KHDRBS2: variants seen among roughly 807,000 people sequenced by gnomAD.
KHDRBS2 encodes KH RNA binding domain containing, signal transduction associated 2, also known as KH domain-containing, RNA-binding, signal transduction-associated protein 2.
Under a neutral mutation model 44.3 loss-of-function variants are expected in KHDRBS2, and 26 were observed. The ratio of observed to expected loss-of-function variants is 0.59; its 90% confidence interval spans 0.43 to 0.81. The LOEUF is 0.81. Ranked by LOEUF, KHDRBS2 falls within the 40% of genes least tolerant of loss-of-function variation. The pLI is 0.00. For missense variants in KHDRBS2, 476 were observed against 433.1 expected (o/e 1.10, Z -0.88); for synonymous variants, 194 against 151.1 (o/e 1.28, Z -2.08).
intron 2 of KHDRBS2, among the ~76,000 whole-genome samples, chr6:62,089,138 G>A (rs532296776): frequency 6.6e-6 from 1 of 152,014 alleles, no homozygotes; most frequent in African/African-American, 2.4e-5. Flanking sequence ...TCATACCAGT[G>A]TATCTCAGCT....
intron 1 of KHDRBS2, among the ~76,000 whole-genome samples, chr6:62,223,334 G>A (rs1397584355): frequency 4.6e-5 from 7 of 152,186 alleles, no homozygotes; most frequent in Admixed American, 1.3e-4. Context: ...CAGCTAGGAA[G>A]CAGGGCACTA....
the KHDRBS2 span, among the ~76,000 whole-genome samples, chr6:61,650,400 T>A: frequency 1.1e-3 from 112 of 104,396 alleles, 1 homozygote; most frequent in Middle Eastern, 4.6e-3. Flanking sequence ...CTGCTTTTTT[T>A]AAAAAAATGT....
chr6:62,047,822 T>C (rs1788043936), intron 3 of KHDRBS2, 56 bp downstream of exon 3: 5 of 1,116,634 alleles, frequency 4.5e-6, no homozygotes, highest in Non-Finnish European at 6.9e-6. Context: ...AATTTGGCCT[T>C]CAGTGTTATA....
chr6:61,826,840 T>G (rs1349048663), intron 6 of KHDRBS2, among the ~76,000 whole-genome samples: 1 of 152,116 alleles, frequency 6.6e-6, no homozygotes, highest in Non-Finnish European at 1.5e-5. Flanking sequence ...AGCAGAGGAC[T>G]TTCATAATTT....
chr6:61,814,737 G>T (rs1228285227), intron 6 of KHDRBS2, among the ~76,000 whole-genome samples: 1 of 152,120 alleles, frequency 6.6e-6, no homozygotes, highest in Non-Finnish European at 1.5e-5. Flanking sequence ...ATAACACAGT[G>T]AAAATACAGT....
intron 1 of KHDRBS2, among the ~76,000 whole-genome samples, chr6:62,229,605 T>C (rs1421834516): frequency 6.6e-6 from 1 of 152,178 alleles, no homozygotes. Flanking sequence ...TGCAGCTCCA[T>C]GGTTGGGAGC....
intron 5 of KHDRBS2, among the ~76,000 whole-genome samples, chr6:61,899,421 T>G (rs1266767824): frequency 2.6e-5 from 4 of 151,960 alleles, no homozygotes; most frequent in Non-Finnish European, 4.4e-5. Context: ...TAATTTTTAA[T>G]GCTAATTTTC....
At chr6:61,954,968 G>T (rs374101955) in intron 4 of KHDRBS2, among the ~76,000 whole-genome samples, 5 of 52,832 alleles carry the variant, frequency 9.5e-5, no homozygotes, top group South Asian at 7.0e-4. Flanking sequence ...GTATATATAC[G>T]CATACATATG....
At chr6:62,119,055 G>C (rs779019429) in intron 2 of KHDRBS2, among the ~76,000 whole-genome samples, 1 of 152,174 alleles carries the variant, frequency 6.6e-6, no homozygotes, top group Non-Finnish European at 1.5e-5. Flanking sequence ...GGTACCAGAA[G>C]TGGTTCTAGA....
intron 4 of KHDRBS2, among the ~76,000 whole-genome samples, chr6:61,922,436 A>G (rs1227000873): frequency 6.6e-6 from 1 of 152,104 alleles, no homozygotes; most frequent in East Asian, 1.9e-4. Context: ...ACTTCCAGAA[A>G]GAACAACAAA....
intron 4 of KHDRBS2, among the ~76,000 whole-genome samples, chr6:61,944,206 A>G (rs563272580): frequency 6.6e-6 from 1 of 152,318 alleles, no homozygotes; most frequent in African/African-American, 2.4e-5. Flanking sequence ...GAATATCTGA[A>G]CTTGGACGTT....
At chr6:62,283,313 C>CAACTAGT (rs1842050434) in intron 1 of KHDRBS2, among the ~76,000 whole-genome samples, 1 of 152,036 alleles carries the variant, frequency 6.6e-6, no homozygotes, top group Non-Finnish European at 1.5e-5. Context: ...AATAAACATC[C>CAACTAGT]AACTAGTACT....
the KHDRBS2 span, among the ~76,000 whole-genome samples, chr6:61,551,729 CT>C: frequency 6.6e-6 from 1 of 151,998 alleles, no homozygotes; most frequent in Non-Finnish European, 1.5e-5. Flanking sequence ...TATGTGTTTG[CT>C]TTTGTGGCAT....
intron 3 of KHDRBS2, among the ~76,000 whole-genome samples, chr6:61,993,349 C>T (rs1360750325): frequency 6.6e-5 from 10 of 151,934 alleles, no homozygotes; most frequent in Admixed American, 5.3e-4. Context: ...CTCGCTCTTT[C>T]TTTACTCCAG....
intron 4 of KHDRBS2, among the ~76,000 whole-genome samples, chr6:61,916,257 C>T (rs1447305498): frequency 2.6e-5 from 4 of 151,942 alleles, no homozygotes; most frequent in Admixed American, 2.0e-4. Flanking sequence ...TTTATACAGG[C>T]AAAGCTGTAC....
Position 61,753,614 on chromosome 6 carries a change from T to C in KHDRBS2, c.811-20850A>G, listed in dbSNP as rs867934302. 2.6e-5 allele frequency among the ~76,000 whole-genome samples: 4 copies of C among 152,190 alleles called. No individual in the cohort carries two copies. The Middle Eastern group carries it at 0.01, about 388-fold the overall frequency. On this transcript the variant is annotated intron_variant, in intron 6 of 8. Transcript: ENST00000281156. Reference sequence around the variant, plus strand: ...ATTTTTATTTTCCTCCTTGGGGCTATATGGAAAAGGAAGAAAGCATGAGGA... The same window carrying C: ...ATTTTTATTTTCCTCCTTGGGGCTACATGGAAAAGGAAGAAAGCATGAGGA...
At chr6:62,061,901 C>G (rs1392827373) in intron 2 of KHDRBS2, among the ~76,000 whole-genome samples, 1 of 151,536 alleles carries the variant, frequency 6.6e-6, no homozygotes, top group Non-Finnish European at 1.5e-5. Flanking sequence ...CTAAACTTCC[C>G]TTCTCGCTTC....
the KHDRBS2 span, among the ~76,000 whole-genome samples, chr6:61,595,992 G>A: frequency 6.6e-6 from 1 of 152,132 alleles, no homozygotes; most frequent in Non-Finnish European, 1.5e-5. Flanking sequence ...GAGGATGGCT[G>A]TGAAAGGCAG....
intron 6 of KHDRBS2, among the ~76,000 whole-genome samples, chr6:61,823,379 C>G (rs1186300571): frequency 2.0e-5 from 3 of 151,998 alleles, no homozygotes; most frequent in Non-Finnish European, 4.4e-5. Context: ...TGTATTCAGT[C>G]TTTTGCAGAA....
Sources: allele counts gnomAD v4.1 joint callset (sites outside exome capture counted in the v4.1 genomes callset), GRCh38; gene constraint gnomAD v4.1.1; transcripts MANE v1.5; gene names NCBI Gene and HGNC (gene_info 2026-07-23, HGNC 2026-07-21).